ZSCAN22: variants seen among roughly 807,000 people sequenced by gnomAD.
ZSCAN22 encodes the protein zinc finger and SCAN domain-containing protein 22.
In ZSCAN22, 7 loss-of-function variants were observed where a neutral mutation model predicts 12.4. The ratio of observed to expected loss-of-function variants is 0.57; its 90% CI spans 0.32 to 1.06. ZSCAN22 has a LOEUF of 1.06. Ranked by LOEUF, ZSCAN22 falls within the 50% of genes least tolerant of loss-of-function variation. ZSCAN22 has a pLI of 0.04. For synonymous variants in ZSCAN22, 243 were observed against 255.9 expected, an observed-to-expected ratio of 0.95 and a Z score of 0.48; for missense variants, 576 against 631.7, an observed-to-expected ratio of 0.91 and a Z score of 0.94.
intron 1 of ZSCAN22, among the ~76,000 whole-genome samples, chr19:58,331,758 G>T (rs2051729554): frequency 6.6e-6 from 1 of 151,720 alleles, no homozygotes. Flanking sequence ...TGTTGGCCAG[G>T]ATGGTCTCGA....
In ZSCAN22 at chr19:58,339,606, C is replaced by A; in HGVS notation, c.*280C>A. 1 of 374,606 alleles carries A rather than the reference C, an allele frequency of 2.7e-6. No individual in the cohort carries two copies. The highest frequency in any genetic ancestry group is 2.0e-5 in the African/African-American group (1 of 49,278). The allele number at this position is 374,606 out of a possible 1,614,324, so 23.2% of individuals were successfully genotyped here. On this transcript the variant is annotated 3_prime_UTR_variant, in exon 3 of 3. Coordinates refer to ENST00000329665, the MANE Select transcript of ZSCAN22 (RefSeq NM_181846.3). This position sits in a 1 kb window ranked among gnomAD's most constrained non-coding sequence, Gnocchi z 5.6. ...AGGGCTGTCCCAGAGAGAAGGCAGCCGAACTGAGGATTTAGACTGGTTCTG... is the reference window on the plus strand; with the variant it reads ...AGGGCTGTCCCAGAGAGAAGGCAGCAGAACTGAGGATTTAGACTGGTTCTG...
At chr19:58,332,342 C>T (rs187618567) in intron 1 of ZSCAN22, among the ~76,000 whole-genome samples, 3 of 135,016 alleles carry the variant, frequency 2.2e-5, no homozygotes, top group South Asian at 2.3e-4. Flanking sequence ...GGTGTACTCT[C>T]GGCTCACTGC....
rs781072574 is a variant in ZSCAN22 at position 58,338,623 on chromosome 19, C to T, written c.773C>T (p.Pro258Leu). 5.6e-6 allele frequency: 9 copies of T among 1,614,230 alleles called. No individual in the cohort carries two copies. Among genetic ancestry groups the T allele is most frequent in the East Asian group, 2.2e-5 (1 of 44,880 alleles). The change falls in exon 3 of 3, where the codon CCT (proline) becomes CTT (leucine). Residue 258 changes from proline to leucine, a missense_variant. Physicochemically the swap from Pro to Leu is moderately conservative, Grantham distance 98. Transcript: ENST00000329665. This position sits in a 1 kb window ranked among gnomAD's most constrained non-coding sequence, Gnocchi z 5.4. ...FDLVDAYGTE[P>L]PYTYSGKRSS... ...CTGGTGGATGCTTATGGGACAGAGCCTCCATACACCTACTCAGGGAAGAGG... is the reference window on the plus strand; with the variant it reads ...CTGGTGGATGCTTATGGGACAGAGCTTCCATACACCTACTCAGGGAAGAGG...
rs531710643 is a variant in ZSCAN22, at chr19:58,339,683, C to T, written c.*357C>T. On this transcript the variant is annotated 3_prime_UTR_variant, in exon 3 of 3. Transcript: ENST00000329665. The surrounding 1 kb of genome is among the most constrained non-coding windows in gnomAD (Gnocchi z 5.6). ...TCTCTCAGAACTCAGCGTCCCAAGA[C>T]GCTCTGGGCGGGCCAACTGTAGCTT... The T allele has an allele frequency of 2.5e-4, 55 of 218,690 alleles. 1 individual carries two copies. The highest frequency in any genetic ancestry group is 1.7e-3 in the Middle Eastern group (1 of 604). The allele number at this position is 218,690 out of a possible 1,614,324, so 13.5% of individuals were successfully genotyped here.
In ZSCAN22 at chr19:58,335,847, G is replaced by T. The variant is rs780151676; in HGVS notation, c.403+642G>T. ...TCCAGGATTTGGGTGGGTCAGACCT[G>T]CCCCAGGCTCAGCTGGGCACTGTTA... On this transcript the variant is annotated intron_variant, in intron 2 of 2. Transcript: ENST00000329665. This position sits in a 1 kb window ranked among gnomAD's most constrained non-coding sequence, Gnocchi z 4.1. 6.6e-6 allele frequency among the ~76,000 whole-genome samples: 1 copy of T among 152,208 alleles called. No individual in the cohort carries two copies. Among genetic ancestry groups the T allele is most frequent in the Non-Finnish European group, 1.5e-5 (1 of 68,020 alleles).
Position 58,335,018 on chromosome 19 carries a change from G to A in ZSCAN22, c.216G>A (p.Ala72=), listed in dbSNP as rs111578456. ...GPHEALAHLR[A]LCCQWLQPEA... is the part of the protein sequence containing the mutation. Reference sequence around the variant, plus strand: ...ACGAGGCCCTGGCCCACCTCCGAGCGCTGTGCTGTCAGTGGCTGCAGCCCG... The same window carrying A: ...ACGAGGCCCTGGCCCACCTCCGAGCACTGTGCTGTCAGTGGCTGCAGCCCG... The change falls in exon 2 of 3, where the codon GCG becomes GCA. Residue 72 remains alanine, a synonymous_variant. Transcript: ENST00000329665. This position sits in a 1 kb window ranked among gnomAD's most constrained non-coding sequence, Gnocchi z 4.1. 81 of 1,614,006 alleles carry A rather than the reference G, an allele frequency of 5.0e-5. No homozygotes were observed. The highest frequency in any genetic ancestry group is 6.2e-5 in the Non-Finnish European group (73 of 1,180,054).
At position 58,338,422 on chromosome 19, in the gene ZSCAN22, G is replaced by A. The variant is rs748366767; in HGVS notation, c.572G>A (p.Gly191Glu). ...AGCTCAGAGAGGTCTGGACTATCAG[G>A]GGAGATCTGGACAAAGTCTGTCACC... ...EGSSERSGLS[G>E]EIWTKSVTQQ... Residue 191 changes from glycine to glutamate, a missense_variant, in exon 3 of 3, where the codon GGG becomes GAG. Physicochemically the swap from Gly to Glu is moderately conservative, Grantham distance 98 (BLOSUM62 -2). Transcript: ENST00000329665. This position sits in a 1 kb window ranked among gnomAD's most constrained non-coding sequence, Gnocchi z 5.4. 3.1e-6 allele frequency: 5 copies of A among 1,614,028 alleles called. No homozygotes were observed. Among genetic ancestry groups the A allele is most frequent in the Non-Finnish European group, 4.2e-6 (5 of 1,180,018 alleles).
chr19:58,327,278 C>T (rs2051663373), intron 1 of ZSCAN22, among the ~76,000 whole-genome samples, 164 bp downstream of exon 1: 1 of 152,184 alleles, frequency 6.6e-6, no homozygotes, highest in Non-Finnish European at 1.5e-5. Flanking sequence ...ACTGCGAGTG[C>T]CGGACACACG....
chr19:58,332,074 T>C (rs2051733345), intron 1 of ZSCAN22, among the ~76,000 whole-genome samples: 1 of 151,762 alleles, frequency 6.6e-6, no homozygotes, highest in East Asian at 2.0e-4. Context: ...GGTTTCTCCA[T>C]ATTGGTCAGG....
chr19:58,333,394 C>T (rs1353234458), intron 1 of ZSCAN22, among the ~76,000 whole-genome samples: 3 of 152,224 alleles, frequency 2.0e-5, no homozygotes, highest in Admixed American at 6.5e-5. Context: ...ATTAACCATA[C>T]ACTGGGTCAC....
At position 58,329,419 on chromosome 19, in the gene ZSCAN22, C is replaced by T. The variant is rs554916064; in HGVS notation, c.-52+2305C>T. Among the ~76,000 whole-genome samples, 5 of 152,210 alleles carry T rather than the reference C, an allele frequency of 3.3e-5. No homozygotes were observed. Among genetic ancestry groups the T allele is most frequent in the Admixed American group, 6.5e-5 (1 of 15,290 alleles). Reference sequence around the variant, plus strand: ...TCCAAATACTTAAAACTGTGGGAGTCGTGGATGGGAGAGGGAGAGGCTAAG... The same window carrying T: ...TCCAAATACTTAAAACTGTGGGAGTTGTGGATGGGAGAGGGAGAGGCTAAG... On this transcript the variant is annotated intron_variant, in intron 1 of 2. Coordinates refer to ENST00000329665, the MANE Select transcript of ZSCAN22 (RefSeq NM_181846.3). The surrounding 1 kb of genome is among the most constrained non-coding windows in gnomAD (Gnocchi z 4.1).
Position 58,335,069 on chromosome 19 carries a change from G to A in ZSCAN22, c.267G>A (p.Leu89=). Residue 89 remains leucine, a synonymous_variant, in exon 2 of 3, where the codon CTG becomes CTA. Coordinates refer to ENST00000329665, the MANE Select transcript of ZSCAN22 (RefSeq NM_181846.3). The surrounding 1 kb of genome is among the most constrained non-coding windows in gnomAD (Gnocchi z 4.1). Reference sequence around the variant, plus strand: ...AGGCGCACTCCAAGGAGCAGATACTGGAGCTGCTGGTGCTGGAGCAGTTCC... The same window carrying A: ...AGGCGCACTCCAAGGAGCAGATACTAGAGCTGCTGGTGCTGGAGCAGTTCC... ...QPEAHSKEQI[L]ELLVLEQFLG... is the part of the protein sequence containing the mutation. 1 of 1,614,146 alleles carries A rather than the reference G, an allele frequency of 6.2e-7. No homozygotes were observed. The highest frequency in any genetic ancestry group is 1.1e-5 in the South Asian group (1 of 91,082).
intron 1 of ZSCAN22, among the ~76,000 whole-genome samples, chr19:58,333,624 G>A (rs2051751875): frequency 6.6e-6 from 1 of 152,176 alleles, no homozygotes; most frequent in Non-Finnish European, 1.5e-5. Context: ...CAGGCAGATC[G>A]CTTGAGGTCA....
In ZSCAN22 at chr19:58,341,546, T is replaced by C. The variant is rs2051875882; in HGVS notation, c.*2220T>C. On this transcript the variant is annotated 3_prime_UTR_variant, in exon 3 of 3. Transcript: ENST00000329665. ...CCATTCCCTCTATGTCAAGAGTAAA[T>C]AGAGGCACAGAGACTGATGAGAAAC... 1 of 152,084 alleles carries C rather than the reference T, an allele frequency of 6.6e-6. No homozygotes were observed. Among genetic ancestry groups the C allele is most frequent in the Non-Finnish European group, 1.5e-5 (1 of 68,016 alleles). The allele number at this position is 152,084 out of a possible 1,614,324, so 9.4% of individuals were successfully genotyped here.
rs528569908 is a variant in ZSCAN22, at chr19:58,329,100, G to A, written c.-52+1986G>A. ...CCGTCAGAGACGGATTTCAGAACTCGAGAGCAGCAGGGGCGACAAGGGGCT... is the reference window on the plus strand; with the variant it reads ...CCGTCAGAGACGGATTTCAGAACTCAAGAGCAGCAGGGGCGACAAGGGGCT... On this transcript the variant is annotated intron_variant, in intron 1 of 2. Transcript: ENST00000329665. The surrounding 1 kb of genome is among the most constrained non-coding windows in gnomAD (Gnocchi z 4.1). 2.0e-5 allele frequency among the ~76,000 whole-genome samples: 3 copies of A among 152,280 alleles called. No homozygotes were observed. Among genetic ancestry groups the A allele is most frequent in the South Asian group, 2.1e-4 (1 of 4,830 alleles).
intron 1 of ZSCAN22, among the ~76,000 whole-genome samples, chr19:58,328,265 T>C (rs2051680333): frequency 6.6e-6 from 1 of 152,216 alleles, no homozygotes; most frequent in African/African-American, 2.4e-5. Flanking sequence ...TAATATCTGA[T>C]TGACTGAGAT....
intron 1 of ZSCAN22, among the ~76,000 whole-genome samples, chr19:58,334,347 T>C (rs924913433): frequency 6.6e-6 from 1 of 152,108 alleles, no homozygotes; most frequent in African/African-American, 2.4e-5. Flanking sequence ...GACAGAGTCT[T>C]GTTCTGTTGC....
At position 58,339,720 on chromosome 19, in the gene ZSCAN22, G is replaced by A; in HGVS notation, c.*394G>A. On this transcript the variant is annotated 3_prime_UTR_variant, in exon 3 of 3. Transcript: ENST00000329665. The surrounding 1 kb of genome is among the most constrained non-coding windows in gnomAD (Gnocchi z 5.6). ...GCCAACTGTAGCTTGTTCTCATGTG[G>A]TTCTTCTTGCCTGCTTTTCTGCTGC... is the stretch of plus-strand genomic sequence containing the variant. 5.5e-6 allele frequency: 1 copy of A among 182,206 alleles called. No homozygotes were observed. 11.3% of individuals were successfully genotyped at this position (182,206 alleles called of 1,614,324 possible).
At chr19:58,333,267 G>A (rs1229747067) in intron 1 of ZSCAN22, among the ~76,000 whole-genome samples, 1 of 152,106 alleles carries the variant, frequency 6.6e-6, no homozygotes, top group Non-Finnish European at 1.5e-5. Context: ...AATCACAAAA[G>A]CTTTTAATTT....
Sources: gnomAD v4.1 joint callset for allele counts (sites outside exome capture counted in the v4.1 genomes callset) on GRCh38, gnomAD v4.1.1 for gene constraint, Gnocchi (gnomAD v3.1) non-coding constraint, MANE v1.5 for transcripts, NCBI Gene and HGNC (gene_info 2026-07-23, HGNC 2026-07-21) for gene names.